KANSL1L: variants seen among roughly 807,000 people sequenced by gnomAD.
KANSL1L encodes KAT8 regulatory NSL complex subunit 1 like, also known as KAT8 regulatory NSL complex subunit 1-like protein.
KANSL1L carries 25 observed loss-of-function variants against 108.6 expected under a neutral mutation model. That is an observed-to-expected ratio of 0.23 (90% confidence interval 0.17 to 0.32). The LOEUF (loss-of-function observed/expected upper bound fraction) is 0.32. Ranked by LOEUF, KANSL1L falls within the 10% of genes least tolerant of loss-of-function variation. The pLI is 1.00. For missense variants in KANSL1L, 1,137 were observed against 1,125.7 expected (o/e 1.01, Z -0.14); for synonymous variants, 405 against 395.1 (o/e 1.03, Z -0.30).
At chr2:210,071,641 A>G (rs529941872) in intron 6 of KANSL1L, among the ~76,000 whole-genome samples, 1 of 152,206 alleles carries the variant, frequency 6.6e-6, no homozygotes, top group East Asian at 1.9e-4. Context: ...ATCTTAACTA[A>G]TTGCATCTTT....
At chr2:210,120,680 G>C (rs763875710) in intron 3 of KANSL1L, among the ~76,000 whole-genome samples, 3 of 152,086 alleles carry the variant, frequency 2.0e-5, no homozygotes, top group Non-Finnish European at 2.9e-5. Context: ...TCTGCACAGA[G>C]AAAGAAACTA....
intron 1 of KANSL1L, among the ~76,000 whole-genome samples, chr2:210,170,872 GC>G (rs1688297230): frequency 8.0e-6 from 1 of 125,320 alleles, no homozygotes; most frequent in South Asian, 2.5e-4. Flanking sequence ...GTCCAGGTCC[GC>G]CCCCACCCCT....
At chr2:210,139,421 C>T (rs1048483682) in intron 2 of KANSL1L, among the ~76,000 whole-genome samples, 1 of 152,118 alleles carries the variant, frequency 6.6e-6, no homozygotes, top group Non-Finnish European at 1.5e-5. Context: ...TTGACATATA[C>T]CCAGAAGTAG....
At chr2:210,095,598 C>G (rs1166885523) in intron 5 of KANSL1L, among the ~76,000 whole-genome samples, 1 of 152,088 alleles carries the variant, frequency 6.6e-6, no homozygotes, top group Non-Finnish European at 1.5e-5. Flanking sequence ...CATATTATCA[C>G]AAATTGTGGA....
rs557162551 is a variant in KANSL1L, at chr2:210,061,128, TCAAA to T, written c.1755+14420_1755+14423del. Among the ~76,000 whole-genome samples the T allele has an allele frequency of 1.7e-3, 264 of 152,362 alleles. 1 individual carries two copies. Among genetic ancestry groups the T allele is most frequent in the African/African-American group, 5.8e-3 (240 of 41,584 alleles). ...AATACACTTCTTGACTTATTCTTAC[TCAAA>T]CAATTAGGTTTATTAACTAAAATCT... On this transcript the variant is annotated intron_variant, in intron 6 of 14. Coordinates refer to ENST00000281772, the MANE Select transcript of KANSL1L (RefSeq NM_152519.4).
chr2:210,111,775 C>T (rs2094907935), intron 3 of KANSL1L, among the ~76,000 whole-genome samples: 2 of 151,546 alleles, frequency 1.3e-5, no homozygotes, highest in African/African-American at 2.4e-5. Flanking sequence ...GGTACATGTG[C>T]ACAACGTGCA....
chr2:210,041,556 C>G (rs2094164574), intron 7 of KANSL1L, among the ~76,000 whole-genome samples: 1 of 152,182 alleles, frequency 6.6e-6, no homozygotes, highest in Admixed American at 6.5e-5. Flanking sequence ...CCACCTCAGC[C>G]TCTCAAGTAG....
intron 10 of KANSL1L, among the ~76,000 whole-genome samples, chr2:210,029,512 T>G (rs1331034823): frequency 6.6e-6 from 1 of 152,094 alleles, no homozygotes; most frequent in Admixed American, 6.6e-5. Context: ...TGAATTCTCA[T>G]TAGTAAGACT....
intron 1 of KANSL1L, among the ~76,000 whole-genome samples, chr2:210,159,057 T>C (rs1234342907): frequency 6.6e-6 from 1 of 152,212 alleles, no homozygotes; most frequent in African/African-American, 2.4e-5. Context: ...ATACAGAAGA[T>C]GCGCAACAAA....
chr2:210,026,055 ATTAAT>A (rs2093932785), intron 12 of KANSL1L, among the ~76,000 whole-genome samples: 1 of 152,228 alleles, frequency 6.6e-6, no homozygotes, highest in East Asian at 1.9e-4. Context: ...ACAAGTCAGC[ATTAAT>A]TTAATGAATG....
chr2:210,069,563 T>C (rs1304055043), intron 6 of KANSL1L, among the ~76,000 whole-genome samples: 2 of 152,192 alleles, frequency 1.3e-5, no homozygotes, highest in Admixed American at 6.5e-5. Context: ...AGGTGAGTGA[T>C]TTAAAGCAAC....
chr2:210,038,314 G>A (rs1317473900), intron 8 of KANSL1L, among the ~76,000 whole-genome samples: 1 of 151,952 alleles, frequency 6.6e-6, no homozygotes, highest in Non-Finnish European at 1.5e-5. Context: ...AAACAAGGGA[G>A]TTTTTAAGCC....
intron 1 of KANSL1L, among the ~76,000 whole-genome samples, chr2:210,157,620 G>A (rs1446684295): frequency 1.4e-5 from 2 of 140,684 alleles, no homozygotes; most frequent in South Asian, 4.6e-4. Context: ...GAGCCTGGAC[G>A]TTGAAGCTGC....
chr2:210,140,717 T>C (rs2095220113), intron 2 of KANSL1L, among the ~76,000 whole-genome samples: 2 of 152,192 alleles, frequency 1.3e-5, no homozygotes, highest in South Asian at 2.1e-4. Context: ...ATAACAATGA[T>C]ATGGAATTTG....
intron 11 of KANSL1L, among the ~76,000 whole-genome samples, chr2:210,027,840 A>G (rs2125124320): frequency 6.6e-6 from 1 of 152,318 alleles, no homozygotes; most frequent in Non-Finnish European, 1.5e-5. Context: ...TTTTTGCTAT[A>G]GAACGTCATA....
At chr2:210,073,774 A>ACACAC (rs2094523504) in intron 6 of KANSL1L, among the ~76,000 whole-genome samples, 1 of 141,932 alleles carries the variant, frequency 7.0e-6, no homozygotes, top group African/African-American at 2.5e-5. Context: ...GAAACACACA[A>ACACAC]ACACACACAC....
At chr2:210,115,695 T>C (rs1349817649) in intron 3 of KANSL1L, among the ~76,000 whole-genome samples, 1 of 152,188 alleles carries the variant, frequency 6.6e-6, no homozygotes, top group East Asian at 1.9e-4. Context: ...TCCCCCTGAA[T>C]TTGCACATGC....
At chr2:210,089,373 G>A (rs2094670439) in intron 5 of KANSL1L, among the ~76,000 whole-genome samples, 1 of 152,100 alleles carries the variant, frequency 6.6e-6, no homozygotes, top group Non-Finnish European at 1.5e-5. Flanking sequence ...GAGCAAAACA[G>A]TGATGTTATA....
At chr2:210,136,853 A>G (rs1371955869) in intron 2 of KANSL1L, among the ~76,000 whole-genome samples, 5 of 152,228 alleles carry the variant, frequency 3.3e-5, no homozygotes, top group Admixed American at 3.3e-4. Context: ...AGAATCAAGT[A>G]CAGGCATTCC....
Sources: allele counts gnomAD v4.1 joint callset (sites outside exome capture counted in the v4.1 genomes callset), GRCh38; gene constraint gnomAD v4.1.1; transcripts MANE v1.5; gene names NCBI Gene and HGNC (gene_info 2026-07-23, HGNC 2026-07-21).